The following FCHSD1 variants were observed in gnomAD, a reference collection of about 807,000 sequenced individuals.
FCHSD1 encodes the protein FCH and double SH3 domains 1.
Under a neutral mutation model 101.3 loss-of-function variants are expected in FCHSD1, and 109 were observed. That is an observed-to-expected ratio of 1.08 (90% CI 0.92 to 1.26). The LOEUF (loss-of-function observed/expected upper bound fraction) is 1.26. FCHSD1 is among the 50% of genes most tolerant of loss of function. The pLI is 0.00. For missense variants in FCHSD1, 820 were observed against 895.8 expected (o/e 0.92, Z 1.08); for synonymous variants, 291 against 356.8 (o/e 0.82, Z 2.08).
intron 1 of FCHSD1, 52 bp from the exon 2 acceptor site, chr5:141,651,169 C>T: frequency 6.5e-7 from 1 of 1,539,806 alleles, no homozygotes. Context: ...CTAAAAAACA[C>T]TCCGCGCAGG....
chr5:141,649,199 T>C lies in FCHSD1; in HGVS notation c.485A>G (p.Gln162Arg). The C allele has an allele frequency of 6.2e-7, 1 of 1,614,032 alleles. No homozygotes were observed. Among genetic ancestry groups the C allele is most frequent in the Non-Finnish European group, 8.5e-7 (1 of 1,179,888 alleles). The change falls in exon 6 of 20, where the codon CAG (glutamine) becomes CGG (arginine). Residue 162 changes from glutamine (Q) to arginine (R), a missense_variant. Coordinates refer to ENST00000435817, the MANE Select transcript of FCHSD1 (RefSeq NM_033449.3). The surrounding 1 kb of genome is among the most constrained non-coding windows in gnomAD (Gnocchi z 4.1). ...GQRERVWALAQEKAADVQARL... is the reference protein window; with the variant it reads ...GQRERVWALAREKAADVQARL... ...GGCCTGGACATCAGCCGCCTTCTCC[T>C]GTGCCAAGGCCCACACACGTTCCCG...
chr5:141,642,043 C>CT, intron 18 of FCHSD1: 2 of 543,446 alleles, frequency 3.7e-6, no homozygotes, highest in Non-Finnish European at 6.6e-6. Context: ...CAATAAATGA[C>CT]TAAGTGCTAA....
rs3830219 is a variant in FCHSD1 at position 141,649,610 on chromosome 5, CT to C, written c.234-75del. On this transcript the variant is annotated intron_variant, in intron 4 of 19. Coordinates refer to ENST00000435817, the MANE Select transcript of FCHSD1 (RefSeq NM_033449.3). The surrounding 1 kb of genome is among the most constrained non-coding windows in gnomAD (Gnocchi z 4.1). ...TGAGACCACCCCCACCCCCTGCCCC[CT>C]GACCAACACCATGGGAGACAGAGTG... The C allele has an allele frequency of 0.13, 194,561 of 1,528,462 alleles. 13,996 individuals carry two copies. Among genetic ancestry groups the C allele is most frequent in the Admixed American group, 0.33 (16,218 of 49,406 alleles). The allele number at this position is 1,528,462 out of a possible 1,614,324, so 94.7% of individuals were successfully genotyped here. A position where few individuals can be genotyped will look rare whatever the true frequency, so the allele number is the denominator to read the frequency against.
chr5:141,651,273 C>T (rs2099908376), intron 1 of FCHSD1, 75 bp downstream of exon 1: 6 of 1,549,314 alleles, frequency 3.9e-6, no homozygotes, highest in Admixed American at 2.0e-5. Flanking sequence ...CCGTCTCCTA[C>T]CACAAGTCGG....
Position 141,647,206 on chromosome 5 carries a change from G to A in FCHSD1, c.853C>T (p.Leu285=). Residue 285 remains leucine, a synonymous_variant, in exon 10 of 20, where the codon CTG becomes TTG. Coordinates refer to ENST00000435817, the MANE Select transcript of FCHSD1 (RefSeq NM_033449.3). Reference sequence around the variant, plus strand: ...AATACACCAGGCTCCTGAAGAAACAGCTTCAGGTCTTGCTCCCAGCTTACC... The same window carrying A: ...AATACACCAGGCTCCTGAAGAAACAACTTCAGGTCTTGCTCCCAGCTTACC... The part of the protein sequence containing the change: ...SQVSWEQDLK[L]FLQEPGVFSP... The A allele has an allele frequency of 6.2e-7, 1 of 1,608,364 alleles. No homozygotes were observed. Among genetic ancestry groups the A allele is most frequent in the South Asian group, 1.1e-5 (1 of 89,648 alleles).
chr5:141,643,216 CG>C (rs1235675007), intron 17 of FCHSD1, 128 bp from the exon 18 acceptor site: 3 of 543,038 alleles, frequency 5.5e-6, no homozygotes, highest in Non-Finnish European at 5.9e-6. Flanking sequence ...TGCTTGCATT[CG>C]GTGGGGGGGT....
intron 18 of FCHSD1, 37 bp downstream of exon 18, chr5:141,642,964 T>C (rs2099907138): frequency 1.9e-6 from 3 of 1,540,314 alleles, no homozygotes; most frequent in Non-Finnish European, 2.6e-6. Context: ...TCTTCCTGTC[T>C]GTTAGCCTCC....
rs1331045455 is a variant in FCHSD1, at chr5:141,649,002, A to G, written c.531T>C (p.His177=). The G allele has an allele frequency of 1.9e-6, 3 of 1,613,830 alleles. No individual in the cohort carries two copies. The highest frequency in any genetic ancestry group is 1.3e-5 in the African/African-American group (1 of 74,900). The stretch of plus-strand genomic sequence containing the variant: ...GACTGGTCCGAGAGTGGAAGATCCC[A>G]TGGTCACTTCGGTTTAGCCTGTGCA... The part of the protein sequence containing the change: ...DVQARLNRSD[H]GIFHSRTSLQ... Residue 177 remains histidine, a synonymous_variant, in exon 7 of 20, where the codon CAT becomes CAC. Transcript: ENST00000435817. The surrounding 1 kb of genome is among the most constrained non-coding windows in gnomAD (Gnocchi z 4.1).
chr5:141,647,077 G>T, intron 10 of FCHSD1, 58 bp downstream of exon 10: 1 of 1,442,444 alleles, frequency 6.9e-7, no homozygotes, highest in South Asian at 1.2e-5. Flanking sequence ...AATGGAGGAG[G>T]CCTAAATCAT....
rs1481367227 is a variant in FCHSD1, at chr5:141,649,974, A to G, written c.166-20T>C. ...GAGTGCCTGGTGAAAAAGCCATCAC[A>G]GAACCAAGTTCCCTTTCAAAGACCC... On this transcript the variant is annotated intron_variant, in intron 3 of 19. Transcript: ENST00000435817. The surrounding 1 kb of genome is among the most constrained non-coding windows in gnomAD (Gnocchi z 4.1). The G allele has an allele frequency of 2.0e-6, 3 of 1,534,792 alleles. No individual in the cohort carries two copies. The highest frequency in any genetic ancestry group is 2.6e-6 in the Non-Finnish European group (3 of 1,142,422).
intron 18 of FCHSD1, 112 bp downstream of exon 18, chr5:141,642,889 C>G: frequency 1.8e-6 from 2 of 1,094,936 alleles, no homozygotes; most frequent in Non-Finnish European, 2.6e-6. Flanking sequence ...GTGCTCTCCA[C>G]CAAGCAAGAT....
chr5:141,644,145 A>C (rs996008122), intron 17 of FCHSD1, 73 bp downstream of exon 17: 3 of 1,381,472 alleles, frequency 2.2e-6, no homozygotes, highest in Non-Finnish European at 3.0e-6. Context: ...ATTAAGATGA[A>C]TATGAGGCTT....
chr5:141,645,679 G>T, intron 13 of FCHSD1, 92 bp downstream of exon 13: 1 of 1,409,038 alleles, frequency 7.1e-7, no homozygotes, highest in Non-Finnish European at 9.5e-7. Context: ...TTTGAGTTAG[G>T]CACAACTGTG....
At chr5:141,648,914 C>T (rs768452937) in intron 7 of FCHSD1, 43 bp downstream of exon 7, 5 of 1,608,650 alleles carry the variant, frequency 3.1e-6, no homozygotes, top group Non-Finnish European at 4.3e-6. Context: ...GACTACTCTG[C>T]CTCCCTCTTC....
chr5:141,644,221 T>C lies in FCHSD1; in HGVS notation c.1860A>G (p.Glu620=). Residue 620 remains glutamate (E), a synonymous_variant, in exon 17 of 20, where the codon GAA becomes GAG. Coordinates refer to ENST00000435817, the MANE Select transcript of FCHSD1 (RefSeq NM_033449.3). The part of the protein sequence containing the change: ...PPGPPELSDP[E]QMLPSPSPPS... ...TCAGGGAGAAGGTAAGCCTCACCTG[T>C]TCAGGGTCAGAGAGTTCAGGTGGCC... The C allele has an allele frequency of 6.2e-7, 1 of 1,610,306 alleles. No homozygotes were observed.
chr5:141,641,630 C>T lies in FCHSD1; in HGVS notation c.2008-67G>A, dbSNP rs1005612368. On this transcript the variant is annotated intron_variant, in intron 19 of 19. Coordinates refer to ENST00000435817, the MANE Select transcript of FCHSD1 (RefSeq NM_033449.3). Reference sequence around the variant, plus strand: ...AGGGTATCCCTGTCTATTCCCTCAGCCCTGCAGACAAAACAGGACTGGTTG... The same window carrying T: ...AGGGTATCCCTGTCTATTCCCTCAGTCCTGCAGACAAAACAGGACTGGTTG... The T allele has an allele frequency of 2.5e-6, 4 of 1,608,116 alleles. No individual in the cohort carries two copies. In the Admixed American group the frequency reaches 6.7e-5, roughly 27 times the overall value.
rs1480322729 is a variant in FCHSD1, at chr5:141,649,017, T to TAGCCTGTGCAGATGAGAGAAAGGAGTC, written c.513-24_515dup (p.Leu172_Asn173insThrProPheSerHisLeuHisArgLeu). 1.2e-6 allele frequency: 2 copies of TAGCCTGTGCAGATGAGAGAAAGGAGTC among 1,613,966 alleles called. No homozygotes were observed. The highest frequency in any genetic ancestry group is 2.7e-5 in the African/African-American group (2 of 75,032). On this transcript the variant is annotated inframe_insertion, in exon 7 of 20. Coordinates refer to ENST00000435817, the MANE Select transcript of FCHSD1 (RefSeq NM_033449.3). The surrounding 1 kb of genome is among the most constrained non-coding windows in gnomAD (Gnocchi z 4.1). ...GGAAGATCCCATGGTCACTTCGGTTTAGCCTGTGCAGATGAGAGAAAGGAG... is the reference window on the plus strand; with the variant it reads ...GGAAGATCCCATGGTCACTTCGGTTTAGCCTGTGCAGATGAGAGAAAGGAGTCAGCCTGTGCAGATGAGAGAAAGGAG...
At position 141,639,651 on chromosome 5, in the gene FCHSD1, T is replaced by TG; in HGVS notation, c.*1846dup. The TG allele has an allele frequency of 6.3e-7, 1 of 1,594,872 alleles. No homozygotes were observed. The highest frequency in any genetic ancestry group is 8.5e-7 in the Non-Finnish European group (1 of 1,170,420). ...GACCACTGTGTTCTCTGTGGGCAGGTGGGGCAGGTGCTCCAGGGAAAGGGG... is the reference window on the plus strand; with the variant it reads ...GACCACTGTGTTCTCTGTGGGCAGGTGGGGGCAGGTGCTCCAGGGAAAGGGG... On this transcript the variant is annotated 3_prime_UTR_variant, in exon 20 of 20. Coordinates refer to ENST00000435817, the MANE Select transcript of FCHSD1 (RefSeq NM_033449.3). This position sits in a 1 kb window ranked among gnomAD's most constrained non-coding sequence, Gnocchi z 4.4.
chr5:141,642,845 T>G (rs558059738), intron 18 of FCHSD1, 156 bp downstream of exon 18: 18 of 658,768 alleles, frequency 2.7e-5, no homozygotes, highest in Admixed American at 2.5e-4. Context: ...GAGCGGGACC[T>G]GAACCAGTCA....
Sources: gnomAD v4.1 joint callset for allele counts on GRCh38, gnomAD v4.1.1 for gene constraint, Gnocchi (gnomAD v3.1) non-coding constraint, MANE v1.5 for transcripts, NCBI Gene and HGNC (gene_info 2026-07-23, HGNC 2026-07-21) for gene names.